Variants in GAS2 observed in about 807,000 individuals in gnomAD.
GAS2 encodes growth arrest specific 2.
In GAS2, 20 loss-of-function variants were observed where a neutral mutation model predicts 37.5. The observed-to-expected ratio is 0.53, with a 90% confidence interval of 0.37 to 0.77. The LOEUF (loss-of-function observed/expected upper bound fraction) is 0.77, where lower values mean the gene tolerates loss of function less well. Ranked by LOEUF, GAS2 falls within the 30% of genes least tolerant of loss-of-function variation. The pLI, the probability that GAS2 is intolerant of heterozygous loss-of-function variation, is 0.00. For missense variants in GAS2, 336 were observed against 373.4 expected (o/e 0.90, Z 0.82); for synonymous variants, 144 against 132.2 (o/e 1.09, Z -0.61).
chr11:22,645,963 C>A (rs1848686356), intron 1 of GAS2, among the ~76,000 whole-genome samples: 1 of 151,666 alleles, frequency 6.6e-6, no homozygotes, highest in South Asian at 2.1e-4. Context: ...CCTGCCTCAG[C>A]CTCCCGAGTA....
intron 7 of GAS2, among the ~76,000 whole-genome samples, chr11:22,803,872 GTA>G (rs1856772466): frequency 6.6e-6 from 1 of 151,868 alleles, no homozygotes; most frequent in Non-Finnish European, 1.5e-5. Flanking sequence ...GTGAAATCAT[GTA>G]TAAACTAAAC....
rs1267717770 is a variant in GAS2, at chr11:22,755,977, C to G, written c.723+24C>G. The G allele has an allele frequency of 4.6e-6, 7 of 1,510,686 alleles. No homozygotes were observed. The African/African-American group carries it at 5.5e-5, about 12-fold the overall frequency. The allele number at this position is 1,510,686 out of a possible 1,614,324, so 93.6% of individuals were successfully genotyped here. ...GGGTAAAGTTTTACTTTTCACTTATCTTGTTTTTATGGGAAGATTCAGAAT... is the reference window on the plus strand; with the variant it reads ...GGGTAAAGTTTTACTTTTCACTTATGTTGTTTTTATGGGAAGATTCAGAAT... On this transcript the variant is annotated intron_variant, in intron 7 of 7. Transcript: ENST00000454584.
intron 3 of GAS2, among the ~76,000 whole-genome samples, chr11:22,717,882 A>G (rs1002472501): frequency 3.9e-5 from 6 of 152,188 alleles, no homozygotes; most frequent in Admixed American, 6.5e-5. Context: ...GCTCAACATC[A>G]CTAATTATCA....
chr11:22,698,247 G>T (rs1850642709), intron 3 of GAS2, among the ~76,000 whole-genome samples: 5 of 152,180 alleles, frequency 3.3e-5, no homozygotes, highest in Non-Finnish European at 7.3e-5. Context: ...ACACCTCTAT[G>T]CAAATAAACT....
chr11:22,811,966 A>T lies in GAS2; in HGVS notation c.892A>T (p.Asn298Tyr). 1 of 1,614,140 alleles carries T rather than the reference A, an allele frequency of 6.2e-7. No homozygotes were observed. Among genetic ancestry groups the T allele is most frequent in the Non-Finnish European group, 8.5e-7 (1 of 1,180,002 alleles). ...SPTLKDMNPDNYLVVSASYKA... is the reference protein window; with the variant it reads ...SPTLKDMNPDYYLVVSASYKA... ...AACTCTAAAGGACATGAATCCAGAT[A>T]ACTACTTGGTGGTCTCTGCCAGTTA... Residue 298 changes from asparagine to tyrosine, a missense_variant, in exon 8 of 8, where the codon AAC becomes TAC. Coordinates refer to ENST00000454584, the MANE Select transcript of GAS2 (RefSeq NM_001143830.3).
At chr11:22,643,935 A>G (rs1848659515) in intron 1 of GAS2, among the ~76,000 whole-genome samples, 1 of 152,040 alleles carries the variant, frequency 6.6e-6, no homozygotes, top group Non-Finnish European at 1.5e-5. Flanking sequence ...TTCTTTTAGC[A>G]TATTTTTTTC....
chr11:22,650,678 T>C (rs1335873907), intron 1 of GAS2, among the ~76,000 whole-genome samples: 1 of 152,082 alleles, frequency 6.6e-6, no homozygotes, highest in Non-Finnish European at 1.5e-5. Context: ...TGTAATGGCC[T>C]TCTTTGTCTC....
At chr11:22,785,229 T>C (rs545586533) in intron 7 of GAS2, among the ~76,000 whole-genome samples, 19 of 152,284 alleles carry the variant, frequency 1.2e-4, no homozygotes, top group Middle Eastern at 3.4e-3. Flanking sequence ...AGTGCATCTT[T>C]ATAGTCCGCA....
intron 7 of GAS2, among the ~76,000 whole-genome samples, chr11:22,768,587 G>A (rs543316055): frequency 2.2e-4 from 34 of 152,258 alleles, no homozygotes; most frequent in Non-Finnish European, 4.1e-4. Flanking sequence ...CACAAACTCC[G>A]TGGGAACAAA....
chr11:22,703,641 G>A (rs546157397), intron 3 of GAS2, among the ~76,000 whole-genome samples: 7 of 152,108 alleles, frequency 4.6e-5, no homozygotes, highest in African/African-American at 7.2e-5. Flanking sequence ...CCATATTTAT[G>A]TGTGTGTGGT....
At chr11:22,754,238 A>G (rs1409138795) in intron 6 of GAS2, among the ~76,000 whole-genome samples, 1 of 152,030 alleles carries the variant, frequency 6.6e-6, no homozygotes, top group Non-Finnish European at 1.5e-5. Context: ...GTTCTTATAT[A>G]TCTATTTAGT....
chr11:22,728,415 A>G (rs1288869218), intron 4 of GAS2, among the ~76,000 whole-genome samples: 2 of 151,826 alleles, frequency 1.3e-5, no homozygotes, highest in Non-Finnish European at 2.9e-5. Flanking sequence ...TGACCCTGGT[A>G]TATAAATGCA....
chr11:22,668,396 T>C (rs982738289), intron 1 of GAS2: 1 of 152,238 alleles, frequency 6.6e-6, no homozygotes, highest in African/African-American at 2.4e-5. Context: ...TTGGAGACTT[T>C]GCACAGGGCT....
chr11:22,692,231 T>C (rs1386887358), intron 3 of GAS2, among the ~76,000 whole-genome samples: 1 of 152,152 alleles, frequency 6.6e-6, no homozygotes, highest in African/African-American at 2.4e-5. Flanking sequence ...CCTATGGAAC[T>C]TATCTAGATC....
chr11:22,719,172 C>T (rs900439203), intron 3 of GAS2, among the ~76,000 whole-genome samples: 6 of 151,830 alleles, frequency 4.0e-5, no homozygotes, highest in African/African-American at 7.3e-5. Flanking sequence ...TTTTTTCTGA[C>T]GAGAACGTTT....
At chr11:22,660,571 T>C (rs1448078398) in intron 1 of GAS2, among the ~76,000 whole-genome samples, 1 of 152,200 alleles carries the variant, frequency 6.6e-6, no homozygotes, top group Non-Finnish European at 1.5e-5. Context: ...TGCCTGTAAC[T>C]TTTAGCAAAC....
At chr11:22,663,405 C>T (rs963355332), upstream of GAS2, among the ~76,000 whole-genome samples, 1 of 128,584 alleles carries the variant, frequency 7.8e-6, no homozygotes, top group African/African-American at 2.9e-5. Flanking sequence ...TAGCCCTTCT[C>T]AAAAAAAAAA....
intron 4 of GAS2, among the ~76,000 whole-genome samples, chr11:22,735,827 T>C (rs1276837095): frequency 6.6e-6 from 1 of 151,900 alleles, no homozygotes; most frequent in Non-Finnish European, 1.5e-5. Flanking sequence ...TTTGACACTC[T>C]TGTCATCAAG....
intron 7 of GAS2, among the ~76,000 whole-genome samples, chr11:22,765,858 G>A (rs187802761): frequency 2.0e-5 from 3 of 152,244 alleles, no homozygotes; most frequent in East Asian, 1.9e-4. Context: ...TCTGCAGGCT[G>A]TACAGAAAGC....
Sources: gnomAD v4.1 joint callset for allele counts (sites outside exome capture counted in the v4.1 genomes callset) on GRCh38, gnomAD v4.1.1 for gene constraint, MANE v1.5 for transcripts, NCBI Gene and HGNC (gene_info 2026-07-23, HGNC 2026-07-21) for gene names.